NBAS: variants seen among roughly 807,000 people sequenced by gnomAD.
The protein encoded by NBAS is NBAS subunit of NRZ tethering complex.
NBAS carries 219 observed loss-of-function variants against 302.5 expected under a neutral mutation model. The ratio of observed to expected loss-of-function variants is 0.72; its 90% CI spans 0.65 to 0.81. NBAS has a LOEUF of 0.81. Among genes scored for constraint, NBAS ranks in the 30% least tolerant of loss-of-function variants. The pLI, the probability that NBAS is intolerant of heterozygous loss-of-function variation, is 0.00. For missense variants in NBAS, 2,932 were observed against 2,841.6 expected (o/e 1.03, Z -0.72); for synonymous variants, 1,118 against 1,021.6 (o/e 1.09, Z -1.80).
chr2:15,266,844 C>T (rs934794502), intron 44 of NBAS, among the ~76,000 whole-genome samples: 8 of 152,188 alleles, frequency 5.3e-5, no homozygotes, highest in African/African-American at 1.7e-4. Flanking sequence ...ATTTCTAGTC[C>T]CTACCTCTCT....
intron 19 of NBAS, 76 bp downstream of exon 19, chr2:15,467,253 C>A: frequency 9.3e-7 from 1 of 1,078,964 alleles, no homozygotes; most frequent in South Asian, 1.3e-5. Flanking sequence ...CAAGAATATC[C>A]GATATTAGGG....
At chr2:15,290,063 G>A (rs1339082372) in intron 41 of NBAS, among the ~76,000 whole-genome samples, 2 of 148,956 alleles carry the variant, frequency 1.3e-5, no homozygotes, top group African/African-American at 5.0e-5. Context: ...GGGGACAGAG[G>A]AGAGGGGATA....
intron 21 of NBAS, among the ~76,000 whole-genome samples, chr2:15,459,463 A>T (rs1187916544): frequency 6.6e-6 from 1 of 151,936 alleles, no homozygotes; most frequent in African/African-American, 2.4e-5. Flanking sequence ...ACAGATCTAA[A>T]AATTATTTGA....
chr2:15,283,758 C>T lies in NBAS; in HGVS notation c.5138+3315G>A, dbSNP rs1458432519. On this transcript the variant is annotated intron_variant, in intron 42 of 51. Coordinates refer to ENST00000281513, the MANE Select transcript of NBAS (RefSeq NM_015909.4). ...AACCCTCTAAGGTGAGGATAATGAT[C>T]CCTGTAACCCAGAAAACAGCGACTC... Among the ~76,000 whole-genome samples the T allele has an allele frequency of 2.0e-5, 3 of 152,146 alleles. No homozygotes were observed. In the East Asian group the frequency reaches 5.8e-4, roughly 29 times the overall value.
intron 28 of NBAS, among the ~76,000 whole-genome samples, chr2:15,391,627 A>G (rs1441070333): frequency 1.3e-5 from 2 of 152,162 alleles, no homozygotes; most frequent in East Asian, 3.8e-4. Flanking sequence ...AGGAGAAGAA[A>G]TACGCAAAAA....
the NBAS span, among the ~76,000 whole-genome samples, chr2:15,050,220 G>T: frequency 6.6e-6 from 1 of 151,880 alleles, no homozygotes; most frequent in East Asian, 1.9e-4. Context: ...CCTCCCATGC[G>T]CCACTACATG....
Position 15,478,642 on chromosome 2 carries a change from C to A in NBAS, c.1084-353G>T, listed in dbSNP as rs1268764290. ...CACTGGCCTGGATACAGATCTTATC[C>A]CAGCCACTTATAAACTGAGCAACCC... On this transcript the variant is annotated intron_variant, in intron 12 of 51. Transcript: ENST00000281513. Among the ~76,000 whole-genome samples, 3 of 152,142 alleles carry A rather than the reference C, an allele frequency of 2.0e-5. No homozygotes were observed. The East Asian group carries it at 5.8e-4, about 29-fold the overall frequency.
chr2:14,993,012 G>A, the NBAS span, among the ~76,000 whole-genome samples: 2 of 152,274 alleles, frequency 1.3e-5, no homozygotes, highest in Admixed American at 1.3e-4. Context: ...ATTTTATAAT[G>A]TTTGTGAGAA....
chr2:14,974,862 G>A, the NBAS span, among the ~76,000 whole-genome samples: 2 of 152,290 alleles, frequency 1.3e-5, no homozygotes, highest in South Asian at 4.1e-4. Context: ...TTGTCTGGAT[G>A]GATCTAACCT....
chr2:15,130,417 A>G, the NBAS span, among the ~76,000 whole-genome samples: 139,228 of 152,308 alleles, frequency 0.91, 63,887 homozygotes, highest in Admixed American at 0.95. Flanking sequence ...ACAGATGGCA[A>G]GTACCCAGGT....
chr2:15,262,566 G>A (rs1054330788), intron 44 of NBAS, among the ~76,000 whole-genome samples: 1 of 152,166 alleles, frequency 6.6e-6, no homozygotes, highest in Non-Finnish European at 1.5e-5. Context: ...TGGAAGGTCT[G>A]ACTATAAACC....
intron 21 of NBAS, among the ~76,000 whole-genome samples, chr2:15,432,286 A>C (rs1558332367): frequency 2.0e-5 from 3 of 152,134 alleles, no homozygotes; most frequent in Admixed American, 2.0e-4. Context: ...TTAAAAAAAA[A>C]AAAAAGGATT....
chr2:15,117,197 C>T, the NBAS span, among the ~76,000 whole-genome samples: 2 of 152,166 alleles, frequency 1.3e-5, no homozygotes, highest in African/African-American at 4.8e-5. Flanking sequence ...AATAAACCCG[C>T]CGTCCCCAGA....
chr2:15,557,825 G>A (rs1315311072), intron 2 of NBAS, among the ~76,000 whole-genome samples: 5 of 152,094 alleles, frequency 3.3e-5, no homozygotes, highest in East Asian at 3.8e-4. Flanking sequence ...TGGTAAACCC[G>A]TCATGGCACC....
intron 21 of NBAS, among the ~76,000 whole-genome samples, chr2:15,440,626 T>G (rs934337224): frequency 6.6e-6 from 1 of 152,176 alleles, no homozygotes; most frequent in Non-Finnish European, 1.5e-5. Context: ...AGGAACGCAG[T>G]TCCTCACCAG....
At chr2:14,998,595 A>G in the NBAS span, among the ~76,000 whole-genome samples, 3 of 152,228 alleles carry the variant, frequency 2.0e-5, no homozygotes, top group African/African-American at 7.2e-5. Flanking sequence ...TAAATCCAGT[A>G]TCAGGCTACT....
intron 23 of NBAS, among the ~76,000 whole-genome samples, chr2:15,422,494 C>G (rs1026124677): frequency 6.7e-6 from 1 of 150,222 alleles, no homozygotes; most frequent in African/African-American, 2.4e-5. Flanking sequence ...TTCTGCAAAC[C>G]TGAAATTCCT....
At chr2:15,014,828 T>G in the NBAS span, among the ~76,000 whole-genome samples, 1 of 151,424 alleles carries the variant, frequency 6.6e-6, no homozygotes, top group Non-Finnish European at 1.5e-5. Context: ...CCAAAAAATA[T>G]AGATGATCAA....
chr2:15,039,164 T>C, the NBAS span, among the ~76,000 whole-genome samples: 4 of 152,152 alleles, frequency 2.6e-5, no homozygotes, highest in Non-Finnish European at 5.9e-5. Flanking sequence ...TCCTAATCTG[T>C]AAAATGGAAA....
Sources: allele counts gnomAD v4.1 joint callset (sites outside exome capture counted in the v4.1 genomes callset), GRCh38; gene constraint gnomAD v4.1.1; transcripts MANE v1.5; gene names NCBI Gene and HGNC (gene_info 2026-07-23, HGNC 2026-07-21).